Variants in GPC5 observed in about 807,000 individuals in gnomAD.
GPC5 encodes the protein glypican 5.
A neutral mutation model predicts 53.9 loss-of-function variants in GPC5; 47 were observed. The observed-to-expected ratio is 0.87, with a 90% confidence interval of 0.69 to 1.11. The LOEUF (loss-of-function observed/expected upper bound fraction) is 1.11. Ranked by LOEUF, GPC5 falls within the 50% of genes most tolerant of loss-of-function variation. The pLI, the probability that GPC5 is intolerant of heterozygous loss-of-function variation, is 0.00. For synonymous variants in GPC5, 286 were observed against 263.3 expected (o/e 1.09, Z -0.84); for missense variants, 748 against 713.1 (o/e 1.05, Z -0.56).
chr13:91,601,430 AG>A (rs1365525836), intron 2 of GPC5, among the ~76,000 whole-genome samples: 2 of 152,202 alleles, frequency 1.3e-5, no homozygotes, highest in Non-Finnish European at 2.9e-5. Flanking sequence ...TGAATGAGAT[AG>A]GGCAGGGATC....
chr13:91,581,794 C>T (rs559032594), intron 2 of GPC5, among the ~76,000 whole-genome samples: 2 of 152,116 alleles, frequency 1.3e-5, no homozygotes, highest in African/African-American at 4.8e-5. Context: ...CTCTGTCTCA[C>T]ACACACACCC....
chr13:92,475,540 G>C (rs1260838563), intron 7 of GPC5, among the ~76,000 whole-genome samples: 4 of 151,276 alleles, frequency 2.6e-5, no homozygotes, highest in Non-Finnish European at 5.9e-5. Flanking sequence ...TGTGATTTTT[G>C]TACATTGATT....
At chr13:92,311,623 G>A (rs1184084550) in intron 7 of GPC5, among the ~76,000 whole-genome samples, 1 of 152,150 alleles carries the variant, frequency 6.6e-6, no homozygotes, top group Non-Finnish European at 1.5e-5. Flanking sequence ...GTCTTACATG[G>A]CAGCAGCCAA....
At chr13:91,833,030 A>C (rs1342552330) in intron 5 of GPC5, among the ~76,000 whole-genome samples, 2 of 152,200 alleles carry the variant, frequency 1.3e-5, no homozygotes, top group African/African-American at 4.8e-5. Flanking sequence ...GAGAAGAATC[A>C]AATAGATGCA....
intron 7 of GPC5, chr13:92,484,554 A>G (rs1314507874): frequency 1.3e-5 from 2 of 152,064 alleles, no homozygotes; most frequent in Non-Finnish European, 2.9e-5. Context: ...TTGTGCTCTG[A>G]CATCACAATG....
At chr13:91,406,757 A>T (rs1488913320) in intron 1 of GPC5, among the ~76,000 whole-genome samples, 2 of 151,864 alleles carry the variant, frequency 1.3e-5, no homozygotes, top group African/African-American at 4.8e-5. Flanking sequence ...GTAGCCAGGC[A>T]CCATTGTCTC....
chr13:91,842,349 C>CT (rs1280239950), intron 5 of GPC5, among the ~76,000 whole-genome samples: 2 of 150,000 alleles, frequency 1.3e-5, no homozygotes, highest in African/African-American at 4.9e-5. Context: ...TTGAATTGTG[C>CT]TTCTCTAATA....
intron 1 of GPC5, among the ~76,000 whole-genome samples, chr13:91,439,331 C>T (rs1439504524): frequency 6.6e-6 from 1 of 152,032 alleles, no homozygotes; most frequent in East Asian, 1.9e-4. Context: ...AGACAGCTCC[C>T]TGAGAAAAAA....
intron 7 of GPC5, among the ~76,000 whole-genome samples, chr13:92,641,435 A>T (rs552697618): frequency 6.6e-6 from 1 of 152,232 alleles, no homozygotes; most frequent in Non-Finnish European, 1.5e-5. Context: ...ACGCTGATAG[A>T]ATAAAGAAGG....
At chr13:92,081,930 A>G (rs2041299135) in intron 6 of GPC5, among the ~76,000 whole-genome samples, 1 of 152,200 alleles carries the variant, frequency 6.6e-6, no homozygotes, top group Non-Finnish European at 1.5e-5. Context: ...TAGAAAATAT[A>G]TGAAAGTAGA....
chr13:92,843,278 ATG>A (rs1878494282), intron 7 of GPC5, among the ~76,000 whole-genome samples: 1 of 152,138 alleles, frequency 6.6e-6, no homozygotes, highest in Non-Finnish European at 1.5e-5. Context: ...TAAACAGTAA[ATG>A]CTAAACAATC....
chr13:92,529,544 G>A (rs1566278256), intron 7 of GPC5, among the ~76,000 whole-genome samples: 1 of 152,070 alleles, frequency 6.6e-6, no homozygotes, highest in Non-Finnish European at 1.5e-5. Flanking sequence ...ACTGTCTTTA[G>A]GTGGCTTAAT....
intron 7 of GPC5, chr13:92,241,785 G>A (rs1172261271): frequency 1.3e-5 from 2 of 152,048 alleles, no homozygotes; most frequent in Non-Finnish European, 2.9e-5. Flanking sequence ...ATATTCTTAG[G>A]CAAGTACTCT....
chr13:92,271,697 G>C (rs558438051), intron 7 of GPC5, among the ~76,000 whole-genome samples: 17 of 152,254 alleles, frequency 1.1e-4, no homozygotes, highest in Non-Finnish European at 1.9e-4. Flanking sequence ...AGCTGGAGAG[G>C]AGAAAGGAGA....
At chr13:91,715,770 G>GTCTC (rs55859912) in intron 3 of GPC5, among the ~76,000 whole-genome samples, 1,928 of 132,794 alleles carry the variant, frequency 0.015, 45 homozygotes, top group African/African-American at 0.038. Context: ...TTAAGATAGG[G>GTCTC]TCTCTCTCTC....
At chr13:92,050,990 A>AT (rs948651276) in intron 6 of GPC5, among the ~76,000 whole-genome samples, 41 of 152,116 alleles carry the variant, frequency 2.7e-4, no homozygotes, top group South Asian at 8.3e-4. Flanking sequence ...AATAAACCTC[A>AT]TTTTTTGTGG....
intron 7 of GPC5, among the ~76,000 whole-genome samples, chr13:92,342,686 A>G (rs1215486836): frequency 6.6e-6 from 1 of 152,140 alleles, no homozygotes; most frequent in Non-Finnish European, 1.5e-5. Flanking sequence ...AGTAGCCAAA[A>G]TAGTCTAAGA....
chr13:92,718,129 G>T (rs559645262), intron 7 of GPC5, among the ~76,000 whole-genome samples: 1 of 152,228 alleles, frequency 6.6e-6, no homozygotes, highest in Admixed American at 6.5e-5. Context: ...AGCTACTATG[G>T]AAAACAGTAT....
At chr13:91,654,128 C>T (rs2034788940) in intron 2 of GPC5, among the ~76,000 whole-genome samples, 1 of 152,156 alleles carries the variant, frequency 6.6e-6, no homozygotes, top group Non-Finnish European at 1.5e-5. Flanking sequence ...AGGGCAGTTT[C>T]ACTTCCTAAC....
Sources: gnomAD v4.1 joint callset for allele counts (sites outside exome capture counted in the v4.1 genomes callset) on GRCh38, gnomAD v4.1.1 for gene constraint, MANE v1.5 for transcripts, NCBI Gene and HGNC (gene_info 2026-07-23, HGNC 2026-07-21) for gene names.